Variants in FOXP1 observed in about 807,000 individuals in gnomAD.
FOXP1 encodes forkhead box P1.
FOXP1 carries 15 observed loss-of-function variants against 98.2 expected under a neutral mutation model. That is an observed-to-expected ratio of 0.15 (90% CI 0.10 to 0.24). The LOEUF is 0.24. Ranked by LOEUF, FOXP1 falls within the 10% of genes least tolerant of loss-of-function variation. FOXP1 has a pLI of 1.00. For missense variants in FOXP1, 633 were observed against 848.5 expected (o/e 0.75, Z 3.15); for synonymous variants, 371 against 314.5 (o/e 1.18, Z -1.90).
intron 7 of FOXP1, among the ~76,000 whole-genome samples, chr3:71,103,911 C>T (rs1053223138): frequency 2.6e-5 from 4 of 152,088 alleles, no homozygotes; most frequent in Non-Finnish European, 4.4e-5. Context: ...CAACCACAGA[C>T]GAATATTGTG....
At chr3:71,548,341 C>T (rs1337845824) in intron 2 of FOXP1, among the ~76,000 whole-genome samples, 1 of 152,178 alleles carries the variant, frequency 6.6e-6, no homozygotes, top group Non-Finnish European at 1.5e-5. Flanking sequence ...ATTTTTCTCC[C>T]AAACAGCCTC....
At chr3:71,225,143 A>G (rs1236201445) in intron 5 of FOXP1, among the ~76,000 whole-genome samples, 1 of 152,270 alleles carries the variant, frequency 6.6e-6, no homozygotes, top group Non-Finnish European at 1.5e-5. Context: ...CAAAGGCACT[A>G]GCTGGGAGGC....
chr3:71,287,452 G>A (rs1021305452), intron 5 of FOXP1, among the ~76,000 whole-genome samples: 1 of 152,054 alleles, frequency 6.6e-6, no homozygotes, highest in Non-Finnish European at 1.5e-5. Context: ...CAGCCTGGGC[G>A]AAAGAGCGAG....
intron 7 of FOXP1, among the ~76,000 whole-genome samples, chr3:71,062,088 G>A (rs1474198767): frequency 6.6e-6 from 1 of 152,146 alleles, no homozygotes; most frequent in African/African-American, 2.4e-5. Context: ...TCCTGACAAC[G>A]TGTAAATGCA....
intron 3 of FOXP1, among the ~76,000 whole-genome samples, chr3:71,414,117 G>A (rs574175605): frequency 5.9e-5 from 9 of 151,674 alleles, no homozygotes; most frequent in South Asian, 2.1e-4. Flanking sequence ...CCCAACTCTC[G>A]GTCTTGCCGG....
At chr3:71,352,434 C>T (rs1377289819) in intron 4 of FOXP1, among the ~76,000 whole-genome samples, 3 of 115,106 alleles carry the variant, frequency 2.6e-5, no homozygotes, top group Non-Finnish European at 4.9e-5. Flanking sequence ...CACTGCACTC[C>T]AACTTCAGCC....
At chr3:71,205,734 G>C (rs2063988639) in intron 5 of FOXP1, among the ~76,000 whole-genome samples, 1 of 152,172 alleles carries the variant, frequency 6.6e-6, no homozygotes, top group African/African-American at 2.4e-5. Context: ...CTGCCCTCTG[G>C]AACGCAGGAG....
intron 3 of FOXP1, among the ~76,000 whole-genome samples, chr3:71,464,433 G>A (rs2088484438): frequency 1.3e-5 from 2 of 152,172 alleles, no homozygotes; most frequent in Admixed American, 6.5e-5. Flanking sequence ...TCTCCTTAAA[G>A]GCCCCACACA....
chr3:71,017,663 G>A (rs920308596), intron 11 of FOXP1, among the ~76,000 whole-genome samples: 22 of 151,948 alleles, frequency 1.4e-4, no homozygotes, highest in Non-Finnish European at 2.8e-4. Context: ...AGTCTATCAC[G>A]TATCAACTTA....
intron 2 of FOXP1, among the ~76,000 whole-genome samples, chr3:71,565,467 C>T (rs1326295223): frequency 1.3e-5 from 2 of 152,130 alleles, no homozygotes; most frequent in Non-Finnish European, 2.9e-5. Flanking sequence ...GCTAAACAGA[C>T]TCTTAATAAG....
intron 2 of FOXP1, among the ~76,000 whole-genome samples, chr3:71,535,060 AG>A (rs1412914877): frequency 6.6e-6 from 1 of 152,196 alleles, no homozygotes; most frequent in Non-Finnish European, 1.5e-5. Flanking sequence ...GAGAAGGAGC[AG>A]GGAAGGGAAG....
At chr3:71,452,789 C>A (rs1247561542) in intron 3 of FOXP1, among the ~76,000 whole-genome samples, 1 of 152,146 alleles carries the variant, frequency 6.6e-6, no homozygotes, top group Admixed American at 6.5e-5. Flanking sequence ...GAAATGAATT[C>A]CACACACTGG....
chr3:71,413,259 G>GACACACACACACACACACACAC (rs528319234), intron 3 of FOXP1, among the ~76,000 whole-genome samples: 6 of 64,472 alleles, frequency 9.3e-5, no homozygotes, highest in African/African-American at 3.2e-4. Flanking sequence ...CCCCCAAATA[G>GACACACACACACACACACACAC]ACACACACAC....
chr3:71,019,842 C>G (rs201177370), intron 11 of FOXP1, among the ~76,000 whole-genome samples: 1 of 117,546 alleles, frequency 8.5e-6, no homozygotes, highest in Non-Finnish European at 1.7e-5. Flanking sequence ...GTCCCCCCCC[C>G]AAAAAAAACA....
At chr3:71,257,955 C>T (rs768475842) in intron 5 of FOXP1, among the ~76,000 whole-genome samples, 31 of 152,200 alleles carry the variant, frequency 2.0e-4, no homozygotes, top group Non-Finnish European at 3.7e-4. Flanking sequence ...GCAAACATGA[C>T]AGTGAACACA....
At chr3:70,960,060 AT>A (rs2032942903) in intron 20 of FOXP1, among the ~76,000 whole-genome samples, 1 of 152,170 alleles carries the variant, frequency 6.6e-6, no homozygotes, top group South Asian at 2.1e-4. Flanking sequence ...GCTAGTTAAC[AT>A]GCAGAACCTG....
At chr3:71,246,628 T>C (rs534306497) in intron 5 of FOXP1, among the ~76,000 whole-genome samples, 41 of 152,278 alleles carry the variant, frequency 2.7e-4, no homozygotes, top group Non-Finnish European at 7.4e-5. Context: ...ACCCATGAAA[T>C]TAAATCTCCT....
At position 71,583,680 on chromosome 3, in the gene FOXP1, A is replaced by ACG. The variant is rs2048374208; in HGVS notation, c.-558_-557dup. 1.0e-6 allele frequency: 1 copy of ACG among 983,664 alleles called. No homozygotes were observed. The highest frequency in any genetic ancestry group is 1.2e-6 in the Non-Finnish European group (1 of 829,468). 60.9% of individuals were successfully genotyped at this position (983,664 alleles called of 1,614,324 possible). A position where few individuals can be genotyped will look rare whatever the true frequency, so the allele number is the denominator to read the frequency against. On this transcript the variant is annotated 5_prime_UTR_variant, in exon 1 of 21. Transcript: ENST00000649528. ...CGCGCACACACTCACTCGCGCACAC[A>ACG]CGCGCGCACACACGCACTCCCGGGC...
chr3:71,296,236 T>C (rs753333778), intron 5 of FOXP1: 4 of 152,210 alleles, frequency 2.6e-5, no homozygotes, highest in Non-Finnish European at 4.4e-5. Context: ...GTTTCAAATT[T>C]GAGGCGTGGT....
Sources: gnomAD v4.1 joint callset for allele counts (sites outside exome capture counted in the v4.1 genomes callset) on GRCh38, gnomAD v4.1.1 for gene constraint, MANE v1.5 for transcripts, NCBI Gene and HGNC (gene_info 2026-07-23, HGNC 2026-07-21) for gene names.